The following ARMC2 variants were observed in gnomAD, a reference collection of about 807,000 sequenced individuals.
ARMC2 encodes armadillo repeat containing 2, also known as armadillo repeat-containing protein 2.
ARMC2 carries 67 observed loss-of-function variants against 90.3 expected under a neutral mutation model. The ratio of observed to expected loss-of-function variants is 0.74; its 90% CI spans 0.61 to 0.91. The LOEUF is 0.91. ARMC2 is among the 40% of genes least tolerant of loss of function. ARMC2 has a pLI of 0.00. For synonymous variants in ARMC2, 393 were observed against 393.0 expected (o/e 1.00, Z 0.00); for missense variants, 920 against 1,030.9 (o/e 0.89, Z 1.47).
rs139451856 is a variant in ARMC2, at chr6:108,860,325, A to G, written c.291+2054A>G. Among the ~76,000 whole-genome samples, 46 of 152,052 alleles carry G rather than the reference A, an allele frequency of 3.0e-4. No individual in the cohort carries two copies. In the Middle Eastern group the frequency reaches 0.01, roughly 34 times the overall value. On this transcript the variant is annotated intron_variant, in intron 3 of 17. Transcript: ENST00000392644. ...CATTTTTGTCTCTGCTTTTTACACT[A>G]GAGACTTCCTCTGATGCCTCATGCT...
Position 108,973,511 on chromosome 6 carries a change from C to T in ARMC2, c.2601C>T (p.Phe867=). ...TFLEPLPIPS[F] ...TGGAACCCCTGCCCATTCCCTCTTTCTAACATGATGCAGATTAACAGTAGA... is the reference window on the plus strand; with the variant it reads ...TGGAACCCCTGCCCATTCCCTCTTTTTAACATGATGCAGATTAACAGTAGA... The change falls in exon 18 of 18, where the codon TTC becomes TTT. Residue 867 remains phenylalanine (F), a synonymous_variant. Coordinates refer to ENST00000392644, the MANE Select transcript of ARMC2 (RefSeq NM_032131.6). 1 of 1,610,288 alleles carries T rather than the reference C, an allele frequency of 6.2e-7. No homozygotes were observed. Among genetic ancestry groups the T allele is most frequent in the Non-Finnish European group, 8.5e-7 (1 of 1,177,746 alleles).
chr6:108,881,198 G>C (rs1383857789), intron 5 of ARMC2, among the ~76,000 whole-genome samples: 5 of 143,950 alleles, frequency 3.5e-5, no homozygotes, highest in African/African-American at 1.3e-4. Flanking sequence ...TTCTTTCTTT[G>C]TTTCTTTCTT....
chr6:108,978,711 GTTC>G (rs1260809849), downstream of ARMC2, among the ~76,000 whole-genome samples: 1 of 152,136 alleles, frequency 6.6e-6, no homozygotes, highest in Non-Finnish European at 1.5e-5. Context: ...AGGACAGTTA[GTTC>G]TTCTTGTTGC....
the ARMC2 span, among the ~76,000 whole-genome samples, chr6:109,028,448 AGTG>A: frequency 4.3e-4 from 65 of 152,156 alleles, no homozygotes; most frequent in African/African-American, 1.5e-3. Context: ...TTGACCTTAA[AGTG>A]TTCTGGTACA....
At chr6:108,986,694 C>T in the ARMC2 span, 1 of 152,398 alleles carries the variant, frequency 6.6e-6, no homozygotes, top group South Asian at 2.1e-4. Context: ...CTGAATGCAC[C>T]CAGGACTGCG....
intron 5 of ARMC2, among the ~76,000 whole-genome samples, chr6:108,887,115 C>T (rs1020440987): frequency 1.3e-5 from 2 of 151,998 alleles, no homozygotes; most frequent in Admixed American, 6.6e-5. Flanking sequence ...GCCATGTTGG[C>T]CAGGCTGGCT....
chr6:108,888,653 T>G (rs1445036495), intron 5 of ARMC2, among the ~76,000 whole-genome samples: 1 of 152,248 alleles, frequency 6.6e-6, no homozygotes, highest in Non-Finnish European at 1.5e-5. Context: ...TTGATGCCTC[T>G]CTTCCCCATT....
At chr6:109,041,748 T>C in the ARMC2 span, among the ~76,000 whole-genome samples, 1 of 152,106 alleles carries the variant, frequency 6.6e-6, no homozygotes, top group Non-Finnish European at 1.5e-5. Flanking sequence ...TCCATAATTA[T>C]AGCAGGAGAC....
the ARMC2 span, among the ~76,000 whole-genome samples, chr6:108,990,046 TAGAA>T: frequency 1.3e-5 from 2 of 152,202 alleles, no homozygotes; most frequent in Non-Finnish European, 2.9e-5. Flanking sequence ...TCTCTGATAA[TAGAA>T]AGCCTGATTT....
At chr6:108,912,641 A>G (rs553295751) in intron 10 of ARMC2, 83 bp downstream of exon 10, 2 of 1,285,058 alleles carry the variant, frequency 1.6e-6, no homozygotes, top group East Asian at 2.4e-5. Flanking sequence ...ATGGCATGCA[A>G]GAGGCCCCTA....
chr6:108,978,219 A>G (rs973289659), downstream of ARMC2, among the ~76,000 whole-genome samples: 2 of 152,158 alleles, frequency 1.3e-5, no homozygotes, highest in Admixed American at 6.5e-5. Context: ...CATTGGTTTC[A>G]AAGAATGTCT....
chr6:108,966,565 G>T (rs1244822397), intron 17 of ARMC2, among the ~76,000 whole-genome samples: 1 of 152,050 alleles, frequency 6.6e-6, no homozygotes. Flanking sequence ...GTGAAATTTG[G>T]TTTTTCCAGG....
In ARMC2 at chr6:108,849,446, G is replaced by A. The variant is rs148215064; in HGVS notation, c.-44+900G>A. ...CGTAATGTAAATGACGAGTTGATGG[G>A]TGCAGCAAACCAACATGGCACATGT... On this transcript the variant is annotated intron_variant, in intron 1 of 17. Transcript: ENST00000392644. Among the ~76,000 whole-genome samples, 526 of 152,224 alleles carry A rather than the reference G, an allele frequency of 3.5e-3. 2 individuals carry two copies. The highest frequency in any genetic ancestry group is 0.018 in the South Asian group (85 of 4,826).
At chr6:108,956,850 G>T (rs1777621700) in intron 13 of ARMC2, among the ~76,000 whole-genome samples, 1 of 152,132 alleles carries the variant, frequency 6.6e-6, no homozygotes, top group South Asian at 2.1e-4. Context: ...ACATTAGCCA[G>T]GCATGGTGGC....
At chr6:108,923,143 T>C (rs1774752282) in intron 10 of ARMC2, 2 of 152,348 alleles carry the variant, frequency 1.3e-5, no homozygotes, top group East Asian at 1.9e-4. Context: ...CTTGGTGAAA[T>C]GCTACTTAAG....
the ARMC2 span, among the ~76,000 whole-genome samples, chr6:109,008,211 T>G: frequency 6.6e-6 from 1 of 152,292 alleles, no homozygotes; most frequent in African/African-American, 2.4e-5. Flanking sequence ...CACACAAACA[T>G]CAGCAGAAAT....
At chr6:108,849,000 G>A (rs1773731292) in intron 1 of ARMC2, among the ~76,000 whole-genome samples, 1 of 152,168 alleles carries the variant, frequency 6.6e-6, no homozygotes, top group African/African-American at 2.4e-5. Context: ...AAGAAGCCCA[G>A]TAATATTTGT....
chr6:108,982,909 T>C, the ARMC2 span, among the ~76,000 whole-genome samples: 79 of 151,296 alleles, frequency 5.2e-4, no homozygotes, highest in African/African-American at 1.9e-3. Flanking sequence ...CAATCTCCGC[T>C]TCCCAGGTTC....
chr6:108,924,388 C>G (rs1338345850), intron 10 of ARMC2, among the ~76,000 whole-genome samples: 3 of 151,988 alleles, frequency 2.0e-5, no homozygotes, highest in Admixed American at 2.0e-4. Flanking sequence ...TGTGGTGGTG[C>G]TTGCCTGTAA....
Sources: allele counts gnomAD v4.1 joint callset (sites outside exome capture counted in the v4.1 genomes callset), GRCh38; gene constraint gnomAD v4.1.1; transcripts MANE v1.5; gene names NCBI Gene and HGNC (gene_info 2026-07-23, HGNC 2026-07-21).